Variants in TRPV2 observed in about 807,000 individuals in gnomAD.
TRPV2 encodes the protein OTRPC2.
Under a neutral mutation model 91.0 loss-of-function variants are expected in TRPV2, and 58 were observed. The observed-to-expected ratio is 0.64, with a 90% CI of 0.52 to 0.79. TRPV2 has a LOEUF of 0.79. Among genes scored for constraint, TRPV2 ranks in the 30% least tolerant of loss-of-function variants. The pLI, the probability that TRPV2 is intolerant of heterozygous loss-of-function variation, is 0.00. For missense variants in TRPV2, 807 were observed against 969.6 expected, an observed-to-expected ratio of 0.83 and a Z score of 2.23; for synonymous variants, 417 against 414.8, an observed-to-expected ratio of 1.01 and a Z score of -0.06.
rs1453129581 is a variant in TRPV2 at position 16,422,870 on chromosome 17, A to G, written c.606A>G (p.Gln202=). 2.6e-6 allele frequency: 4 copies of G among 1,565,854 alleles called. No homozygotes were observed. The highest frequency in any genetic ancestry group is 1.2e-5 in the South Asian group (1 of 85,456). ...GCGGCCGCTTCTTCCAGAAGGGCCA[A>G]GGGACTTGCTTTTATTTCGGTGAGT... ...RACGRFFQKG[Q]GTCFYFGELP... Residue 202 remains glutamine, a synonymous_variant, in exon 4 of 15, where the codon CAA becomes CAG. Transcript: ENST00000338560.
intron 1 of TRPV2, chr17:16,416,580 G>T (rs946742977): frequency 6.5e-6 from 1 of 152,678 alleles, no homozygotes; most frequent in Non-Finnish European, 1.5e-5. Context: ...CAGGCTAGGG[G>T]CCTCCCTCCC....
Position 16,420,919 on chromosome 17 carries a change from C to G in TRPV2, c.334+671C>G, listed in dbSNP as rs933092258. Among the ~76,000 whole-genome samples, 3 of 151,840 alleles carry G rather than the reference C, an allele frequency of 2.0e-5. No homozygotes were observed. In the East Asian group the frequency reaches 5.8e-4, roughly 29 times the overall value. On this transcript the variant is annotated intron_variant, in intron 3 of 14. Transcript: ENST00000338560. ...GTGTGAGCCACCGCGCAGGGCCTATCCAGACTTTCTTAATACATCAGTATA... is the reference window on the plus strand; with the variant it reads ...GTGTGAGCCACCGCGCAGGGCCTATGCAGACTTTCTTAATACATCAGTATA...
intron 5 of TRPV2, among the ~76,000 whole-genome samples, 189 bp downstream of exon 5, chr17:16,423,956 T>C (rs1184833868): frequency 2.6e-5 from 4 of 152,246 alleles, no homozygotes; most frequent in African/African-American, 9.6e-5. Context: ...ATAAATTGCA[T>C]ATGAACTACT....
At position 16,417,617 on chromosome 17, in the gene TRPV2, T is replaced by A. The variant is rs2142970108; in HGVS notation, c.-52T>A. 1 of 1,589,486 alleles carries A rather than the reference T, an allele frequency of 6.3e-7. No homozygotes were observed. Among genetic ancestry groups the A allele is most frequent in the East Asian group, 2.2e-5 (1 of 44,696 alleles). On this transcript the variant is annotated 5_prime_UTR_variant, in exon 2 of 15. Coordinates refer to ENST00000338560, the MANE Select transcript of TRPV2 (RefSeq NM_016113.5). ...TGGGAGGAAGACAGGACCCTTGACA[T>A]CTCCATCTGCACAGAGGTCCTGGCT...
In TRPV2 at chr17:16,435,148, C is replaced by CTT. The variant is rs2093430014; in HGVS notation, c.2194+181_2194+182dup. 6.6e-6 allele frequency among the ~76,000 whole-genome samples: 1 copy of CTT among 152,186 alleles called. No homozygotes were observed. The highest frequency in any genetic ancestry group is 2.4e-5 in the African/African-American group (1 of 41,432). On this transcript the variant is annotated intron_variant, in intron 14 of 14. Coordinates refer to ENST00000338560, the MANE Select transcript of TRPV2 (RefSeq NM_016113.5). This position sits in a 1 kb window ranked among gnomAD's most constrained non-coding sequence, Gnocchi z 4.2. ...CTTAAAACAGTGGTTCCCTCCTTTC[C>CTT]TTTCCACCCACACCTTGCTTTCAGG...
rs772550799 is a variant in TRPV2 at position 16,426,716 on chromosome 17, C to A, written c.1096-6C>A. The stretch of plus-strand genomic sequence containing the variant: ...TGTACCCATGGCTCTCCCCTCCCCA[C>A]CCCAGCACCGACACCGAATGGTCGT... On this transcript the variant is annotated splice_region_variant and splice_polypyrimidine_tract_variant and intron_variant, in intron 6 of 14. Transcript: ENST00000338560. This position sits in a 1 kb window ranked among gnomAD's most constrained non-coding sequence, Gnocchi z 6.0. 56 of 1,611,516 alleles carry A rather than the reference C, an allele frequency of 3.5e-5. No individual in the cohort carries two copies. Among genetic ancestry groups the A allele is most frequent in the Admixed American group, 5.0e-5 (3 of 59,838 alleles).
chr17:16,433,068 G>A (rs2093420762), intron 12 of TRPV2, among the ~76,000 whole-genome samples: 1 of 152,206 alleles, frequency 6.6e-6, no homozygotes, highest in Non-Finnish European at 1.5e-5. Flanking sequence ...GCCTCCCAAA[G>A]TGCTGGCATT....
At position 16,417,811 on chromosome 17, in the gene TRPV2, G is replaced by A. The variant is rs375026490; in HGVS notation, c.143G>A (p.Arg48Gln). The change falls in exon 2 of 15, where the codon CGG (arginine) becomes CAG (glutamine). Residue 48 changes from arginine (R) to glutamine (Q), a missense_variant. Physicochemically the swap from Arg to Gln is conservative, Grantham distance 43. Coordinates refer to ENST00000338560, the MANE Select transcript of TRPV2 (RefSeq NM_016113.5). Reference protein sequence around the residue: ...PMESQFQGEDRKFAPQIRVNL... With the variant: ...PMESQFQGEDQKFAPQIRVNL... Reference sequence around the variant, plus strand: ...GAGTCACAGTTCCAGGGCGAGGACCGGAAATTCGCCCCTCAGATAAGAGTC... The same window carrying A: ...GAGTCACAGTTCCAGGGCGAGGACCAGAAATTCGCCCCTCAGATAAGAGTC... The A allele has an allele frequency of 5.0e-5, 80 of 1,614,176 alleles. No homozygotes were observed. The highest frequency in any genetic ancestry group is 2.7e-4 in the South Asian group (25 of 91,086).
At chr17:16,427,753 G>C (rs1002133775) in intron 8 of TRPV2, among the ~76,000 whole-genome samples, 1 of 152,162 alleles carries the variant, frequency 6.6e-6, no homozygotes, top group Non-Finnish European at 1.5e-5. Context: ...GTTCCTTGGG[G>C]TAGCAGATAG....
intron 10 of TRPV2, 71 bp downstream of exon 10, chr17:16,429,053 A>C: frequency 9.8e-6 from 15 of 1,537,686 alleles, no homozygotes; most frequent in Non-Finnish European, 1.3e-5. Context: ...CTCCACAGCT[A>C]TCCTAGGCAG....
rs896375606 is a variant in TRPV2, at chr17:16,435,285, G to A, written c.2194+316G>A. 6.6e-6 allele frequency among the ~76,000 whole-genome samples: 1 copy of A among 152,100 alleles called. No individual in the cohort carries two copies. The highest frequency in any genetic ancestry group is 1.5e-5 in the Non-Finnish European group (1 of 68,010). ...CCCTTTGCCCATTCAATTGGTTATC[G>A]AGGGTCTGTCCCCAGCCAGGCCTGG... On this transcript the variant is annotated intron_variant, in intron 14 of 14. Transcript: ENST00000338560. This position sits in a 1 kb window ranked among gnomAD's most constrained non-coding sequence, Gnocchi z 4.2.
chr17:16,429,019 C>A, intron 10 of TRPV2, 37 bp downstream of exon 10: 3 of 1,609,006 alleles, frequency 1.9e-6, no homozygotes, highest in Non-Finnish European at 2.5e-6. Context: ...ACTCTTTTGG[C>A]CTCATCAGGC....
At chr17:16,417,912 A>T in intron 2 of TRPV2, 44 bp downstream of exon 2, 1 of 1,570,196 alleles carries the variant, frequency 6.4e-7, no homozygotes, top group Non-Finnish European at 8.7e-7. Flanking sequence ...CCCCCTGCCC[A>T]GCTCCAGCAG....
chr17:16,431,291 ATT>A (rs1167449708), intron 10 of TRPV2, among the ~76,000 whole-genome samples: 2,320 of 67,140 alleles, frequency 0.035, 77 homozygotes, highest in African/African-American at 0.14. Context: ...ATATATACAT[ATT>A]TTTTTTTTTT....
chr17:16,434,954 G>A lies in TRPV2; in HGVS notation c.2179G>A (p.Gly727Arg). 1 of 1,610,596 alleles carries A rather than the reference G, an allele frequency of 6.2e-7. No individual in the cohort carries two copies. The highest frequency in any genetic ancestry group is 8.5e-7 in the Non-Finnish European group (1 of 1,178,488). Residue 727 changes from glycine to arginine, a missense_variant, in exon 14 of 15, where the codon GGG becomes AGG. Transcript: ENST00000338560. ...GCCTACGCTGTGTGAGGACCCGTCAGGGGCAGGTGTCCCTCGTGAGTAGCC... is the reference window on the plus strand; with the variant it reads ...GCCTACGCTGTGTGAGGACCCGTCAAGGGCAGGTGTCCCTCGTGAGTAGCC... ...TLPTLCEDPSGAGVPRTLENP... is the reference protein window; with the variant it reads ...TLPTLCEDPSRAGVPRTLENP...
intron 10 of TRPV2, among the ~76,000 whole-genome samples, chr17:16,429,548 C>A (rs1172845631): frequency 6.6e-6 from 1 of 152,174 alleles, no homozygotes; most frequent in Non-Finnish European, 1.5e-5. Context: ...ACCAAGTACC[C>A]TTTAGATGGG....
At chr17:16,417,115 T>C (rs1045164266) in intron 1 of TRPV2, among the ~76,000 whole-genome samples, 1 of 151,980 alleles carries the variant, frequency 6.6e-6, no homozygotes, top group Non-Finnish European at 1.5e-5. Flanking sequence ...CAGGCCTCCC[T>C]CCCTCTCCTC....
chr17:16,434,952 CA>C lies in TRPV2; in HGVS notation c.2178del (p.Ala728GlnfsTer?). On this transcript the variant is annotated frameshift_variant, in exon 14 of 15. Transcript: ENST00000338560. LOFTEE classifies it high-confidence loss of function. ...CTGCCTACGCTGTGTGAGGACCCGTCAGGGGCAGGTGTCCCTCGTGAGTAGC... is the reference window on the plus strand; with the variant it reads ...CTGCCTACGCTGTGTGAGGACCCGTCGGGGCAGGTGTCCCTCGTGAGTAGC... Reference protein sequence around the residue: ...QTLPTLCEDPSGAGVPRTLEN... With the variant: ...QTLPTLCEDPXGAGVPRTLEN... The C allele has an allele frequency of 6.2e-7, 1 of 1,610,546 alleles. No homozygotes were observed. Among genetic ancestry groups the C allele is most frequent in the Non-Finnish European group, 8.5e-7 (1 of 1,178,442 alleles).
chr17:16,433,981 A>C (rs996337152), intron 13 of TRPV2, among the ~76,000 whole-genome samples: 23 of 152,318 alleles, frequency 1.5e-4, no homozygotes, highest in Non-Finnish European at 3.1e-4. Context: ...TACGGTAAGG[A>C]GGCCAAGAAG....
Sources: gnomAD v4.1 joint callset for allele counts (sites outside exome capture counted in the v4.1 genomes callset) on GRCh38, gnomAD v4.1.1 for gene constraint, Gnocchi (gnomAD v3.1) non-coding constraint, MANE v1.5 for transcripts, NCBI Gene and HGNC (gene_info 2026-07-23, HGNC 2026-07-21) for gene names.